CYSTM1: variants seen among roughly 807,000 people sequenced by gnomAD.
The protein encoded by CYSTM1 is cysteine rich transmembrane module containing 1.
In CYSTM1, 4 loss-of-function variants were observed where a neutral mutation model predicts 13.1. That is an observed-to-expected ratio of 0.31 (90% CI 0.15 to 0.70). The LOEUF (loss-of-function observed/expected upper bound fraction) is 0.70. Among genes scored for constraint, CYSTM1 ranks in the 30% least tolerant of loss-of-function variants. The pLI, the probability that CYSTM1 is intolerant of heterozygous loss-of-function variation, is 0.72. For missense variants in CYSTM1, 96 were observed against 121.6 expected (o/e 0.79, Z 0.99); for synonymous variants, 36 against 42.7 (o/e 0.84, Z 0.62).
chr5:140,221,602 G>T (rs531182878), intron 2 of CYSTM1, among the ~76,000 whole-genome samples: 2 of 152,084 alleles, frequency 1.3e-5, no homozygotes, highest in African/African-American at 4.8e-5. Context: ...ACCACATTTC[G>T]TTTATCCATT....
chr5:140,225,455 C>T (rs939742679), intron 2 of CYSTM1, among the ~76,000 whole-genome samples: 1 of 152,148 alleles, frequency 6.6e-6, no homozygotes, highest in African/African-American at 2.4e-5. Flanking sequence ...TGTCTGTGGC[C>T]CCTGGACTCC....
intron 2 of CYSTM1, chr5:140,202,666 C>T (rs1764246984): frequency 6.6e-6 from 1 of 152,122 alleles, no homozygotes; most frequent in African/African-American, 2.4e-5. Context: ...GTATTATGTC[C>T]AAAAGGGTAC....
intron 1 of CYSTM1, among the ~76,000 whole-genome samples, chr5:140,183,979 A>C (rs1763988347): frequency 6.6e-6 from 1 of 152,226 alleles, no homozygotes; most frequent in African/African-American, 2.4e-5. Context: ...CTGCTTAATG[A>C]GTTAAAAAAT....
chr5:140,198,930 T>C (rs924020524), intron 2 of CYSTM1, among the ~76,000 whole-genome samples: 1 of 152,162 alleles, frequency 6.6e-6, no homozygotes, highest in African/African-American at 2.4e-5. Context: ...ACATTGGGTA[T>C]TTCTCCTAAT....
At chr5:140,229,686 T>C (rs1764598367) in intron 2 of CYSTM1, among the ~76,000 whole-genome samples, 1 of 152,130 alleles carries the variant, frequency 6.6e-6, no homozygotes, top group South Asian at 2.1e-4. Flanking sequence ...TTTATTTATC[T>C]ATTTATTTAT....
intron 2 of CYSTM1, among the ~76,000 whole-genome samples, chr5:140,231,596 GCCATGAAAA>G (rs1229848103): frequency 2.0e-5 from 3 of 152,300 alleles, no homozygotes; most frequent in Admixed American, 6.5e-5. Context: ...GAGACATAAT[GCCATGAAAA>G]CCTACAAAAG....
At chr5:140,236,422 C>T (rs1007091615) in intron 2 of CYSTM1, among the ~76,000 whole-genome samples, 4 of 152,182 alleles carry the variant, frequency 2.6e-5, no homozygotes, top group East Asian at 1.9e-4. Flanking sequence ...TGCACCAGCA[C>T]GGCAGGCACC....
chr5:140,182,788 T>G (rs552498044), intron 1 of CYSTM1, among the ~76,000 whole-genome samples: 1 of 152,242 alleles, frequency 6.6e-6, no homozygotes, highest in East Asian at 1.9e-4. Context: ...CCTTTAAGAA[T>G]CCTATGAAAA....
intron 1 of CYSTM1, among the ~76,000 whole-genome samples, chr5:140,184,997 A>T (rs900364559): frequency 1.3e-5 from 2 of 152,230 alleles, no homozygotes; most frequent in African/African-American, 4.8e-5. Flanking sequence ...GAATACTTAC[A>T]TCTTTGTGTT....
At chr5:140,198,971 G>A (rs1023445070) in intron 2 of CYSTM1, among the ~76,000 whole-genome samples, 2 of 151,618 alleles carry the variant, frequency 1.3e-5, no homozygotes, top group African/African-American at 4.9e-5. Flanking sequence ...CCAACTCCCC[G>A]ACAGGCCCCA....
At chr5:140,225,983 G>A (rs1199950921) in intron 2 of CYSTM1, among the ~76,000 whole-genome samples, 1 of 152,172 alleles carries the variant, frequency 6.6e-6, no homozygotes, top group Non-Finnish European at 1.5e-5. Context: ...TTATTTCTGA[G>A]GCTTCTTCCC....
intron 1 of CYSTM1, among the ~76,000 whole-genome samples, chr5:140,186,978 T>C (rs1210355518): frequency 2.0e-5 from 3 of 151,786 alleles, no homozygotes; most frequent in African/African-American, 7.3e-5. Flanking sequence ...ATACAAAAAT[T>C]AGCCAGCCAT....
At chr5:140,204,635 C>T (rs1764274694) in intron 2 of CYSTM1, among the ~76,000 whole-genome samples, 1 of 152,128 alleles carries the variant, frequency 6.6e-6, no homozygotes, top group South Asian at 2.1e-4. Flanking sequence ...GGATTCAAAT[C>T]TCATTAACAC....
chr5:140,220,602 C>T (rs572566068), intron 2 of CYSTM1, among the ~76,000 whole-genome samples: 1 of 152,152 alleles, frequency 6.6e-6, no homozygotes, highest in Non-Finnish European at 1.5e-5. Context: ...GGGATGATGT[C>T]TCTTGTTTCT....
At chr5:140,187,360 T>A (rs1379805634) in intron 1 of CYSTM1, among the ~76,000 whole-genome samples, 1 of 151,654 alleles carries the variant, frequency 6.6e-6, no homozygotes, top group African/African-American at 2.4e-5. Flanking sequence ...ATAGTTTTTG[T>A]TTGTTTGTTT....
intron 2 of CYSTM1, among the ~76,000 whole-genome samples, chr5:140,208,954 A>G (rs1000917007): frequency 2.0e-5 from 3 of 151,308 alleles, no homozygotes; most frequent in Non-Finnish European, 4.4e-5. Flanking sequence ...CAGGAGAATG[A>G]TGTGAACCCA....
At chr5:140,199,850 G>A (rs1764205962) in intron 2 of CYSTM1, among the ~76,000 whole-genome samples, 1 of 152,188 alleles carries the variant, frequency 6.6e-6, no homozygotes, top group Non-Finnish European at 1.5e-5. Flanking sequence ...TTGTGGTTTT[G>A]ATTTGCATTT....
At chr5:140,223,802 G>A (rs1368630259) in intron 2 of CYSTM1, among the ~76,000 whole-genome samples, 1 of 152,182 alleles carries the variant, frequency 6.6e-6, no homozygotes, top group East Asian at 1.9e-4. Flanking sequence ...TGCTGCACTG[G>A]GGTAGGCAAG....
intron 2 of CYSTM1, chr5:140,202,188 G>A (rs421211): frequency 0.51 from 76,673 of 151,806 alleles, 19,588 homozygotes; most frequent in East Asian, 0.55. Flanking sequence ...CACCCTCCTC[G>A]GCCTCCTAAA....
Sources: gnomAD v4.1 joint callset for allele counts (sites outside exome capture counted in the v4.1 genomes callset) on GRCh38, gnomAD v4.1.1 for gene constraint, MANE v1.5 for transcripts, NCBI Gene and HGNC (gene_info 2026-07-23, HGNC 2026-07-21) for gene names.